RSL1D1: variants seen among roughly 807,000 people sequenced by gnomAD.
The protein encoded by RSL1D1 is ribosomal L1 domain-containing protein 1.
In RSL1D1, 34 loss-of-function variants were observed where a neutral mutation model predicts 44.6. The ratio of observed to expected loss-of-function variants is 0.76; its 90% confidence interval spans 0.58 to 1.02. The LOEUF (loss-of-function observed/expected upper bound fraction) is 1.02, where lower values mean the gene tolerates loss of function less well. RSL1D1 is among the 50% of genes least tolerant of loss of function. RSL1D1 has a pLI of 0.00. For synonymous variants in RSL1D1, 271 were observed against 207.4 expected (o/e 1.31, Z -2.63); for missense variants, 767 against 568.1 (o/e 1.35, Z -3.56).
chr16:11,834,247 C>T lies in RSL1D1; in HGVS notation c.*3540G>A, dbSNP rs989975573. The T allele has an allele frequency of 6.6e-6, 1 of 152,150 alleles. No individual in the cohort carries two copies. The highest frequency in any genetic ancestry group is 1.5e-5 in the Non-Finnish European group (1 of 68,030). The allele number at this position is 152,150 out of a possible 1,614,324, so 9.4% of individuals were successfully genotyped here. On this transcript the variant is annotated 3_prime_UTR_variant, in exon 9 of 9. Coordinates refer to ENST00000571133, the MANE Select transcript of RSL1D1 (RefSeq NM_015659.3). ...TTTCAACTTTTTGATGGTATAAAAG[C>T]GATACATAATCAGTACAAACCATAT...
chr16:11,838,170 A>T, intron 8 of RSL1D1, 57 bp from the exon 9 acceptor site: 2 of 1,300,626 alleles, frequency 1.5e-6, no homozygotes, highest in Middle Eastern at 4.5e-4. Context: ...TGACACTCTA[A>T]CTCCAGGAGT....
Position 11,846,692 on chromosome 16 carries a change from T to C in RSL1D1, c.533+3A>G. 1 of 1,613,722 alleles carries C rather than the reference T, an allele frequency of 6.2e-7. No homozygotes were observed. Among genetic ancestry groups the C allele is most frequent in the Non-Finnish European group, 8.5e-7 (1 of 1,179,816 alleles). ...AAAGTCCAGTCATTACTAAGAAACT[T>C]ACTTCTTTCTTTGATAGAAATGTCT... is the stretch of plus-strand genomic sequence containing the variant. On this transcript the variant is annotated splice_donor_region_variant and intron_variant, in intron 4 of 8. Transcript: ENST00000571133.
intron 8 of RSL1D1, 56 bp downstream of exon 8, chr16:11,839,639 C>T (rs2053749553): frequency 6.3e-7 from 1 of 1,594,150 alleles, no homozygotes; most frequent in Non-Finnish European, 8.5e-7. Flanking sequence ...CAGTACCTGC[C>T]TGACACAGTA....
At position 11,841,803 on chromosome 16, in the gene RSL1D1, T is replaced by A. The variant is rs748549088; in HGVS notation, c.747A>T (p.Lys249Asn). The change falls in exon 7 of 9, where the codon AAA (lysine) becomes AAT (asparagine). Residue 249 changes from lysine (K) to asparagine (N), a missense_variant. By Grantham distance (94) the Lys-to-Asn change is moderately conservative. Transcript: ENST00000571133. ...EKLPEKWESVKLLFVKTEKSA... is the reference protein window; with the variant it reads ...EKLPEKWESVNLLFVKTEKSA... The stretch of plus-strand genomic sequence containing the variant: ...ATTTCTCAGTTTTCACAAACAGGAG[T>A]TTCACGCTCTCCCACTTCTGAAACA... 6.2e-7 allele frequency: 1 copy of A among 1,613,454 alleles called. No homozygotes were observed. The highest frequency in any genetic ancestry group is 2.2e-5 in the East Asian group (1 of 44,864).
intron 8 of RSL1D1, among the ~76,000 whole-genome samples, chr16:11,839,418 T>G (rs957293151): frequency 2.1e-5 from 3 of 141,238 alleles, no homozygotes; most frequent in South Asian, 2.2e-4. Flanking sequence ...TGGGACTAGG[T>G]GTGGTGGCTC....
chr16:11,846,394 C>CAAA (rs374311615), intron 5 of RSL1D1, 107 bp downstream of exon 5: 295 of 537,200 alleles, frequency 5.5e-4, no homozygotes, highest in Middle Eastern at 1.5e-3. Flanking sequence ...GACTCCATCT[C>CAAA]AAAAAAAAAA....
rs768401196 is a variant in RSL1D1, at chr16:11,846,619, C to A, written c.534-17G>T. 2 of 1,602,430 alleles carry A rather than the reference C, an allele frequency of 1.2e-6. No individual in the cohort carries two copies. The highest frequency in any genetic ancestry group is 1.7e-6 in the Non-Finnish European group (2 of 1,170,134). On this transcript the variant is annotated splice_polypyrimidine_tract_variant and intron_variant, in intron 4 of 8. Transcript: ENST00000571133. ...ACTGGAACTCTACAAAATAAACACACAGGCATTCAGAACACAATGCATACA... is the reference window on the plus strand; with the variant it reads ...ACTGGAACTCTACAAAATAAACACAAAGGCATTCAGAACACAATGCATACA...
intron 1 of RSL1D1, among the ~76,000 whole-genome samples, chr16:11,850,716 G>C (rs1368428116): frequency 6.6e-6 from 1 of 152,144 alleles, no homozygotes; most frequent in Non-Finnish European, 1.5e-5. Context: ...TGCCCCTCCT[G>C]CCCTCAATGA....
intron 5 of RSL1D1, among the ~76,000 whole-genome samples, chr16:11,845,814 T>TA (rs1446254254): frequency 1.3e-5 from 2 of 151,944 alleles, no homozygotes; most frequent in Non-Finnish European, 1.5e-5. Flanking sequence ...CTTGACCTTC[T>TA]AGGCTCAAGT....
rs1021999725 is a variant in RSL1D1 at position 11,835,839 on chromosome 16, G to C, written c.*1948C>G. 2 of 152,232 alleles carry C rather than the reference G, an allele frequency of 1.3e-5. No homozygotes were observed. The highest frequency in any genetic ancestry group is 1.5e-5 in the Non-Finnish European group (1 of 68,074). 9.4% of individuals were successfully genotyped at this position (152,232 alleles called of 1,614,324 possible). ...GTAAAAGAGTCTTGGAATATGTCCA[G>C]GGTCAAGGGTCTAAAACCCCTTGTG... On this transcript the variant is annotated 3_prime_UTR_variant, in exon 9 of 9. Coordinates refer to ENST00000571133, the MANE Select transcript of RSL1D1 (RefSeq NM_015659.3).
chr16:11,844,024 G>A (rs2053782237), intron 5 of RSL1D1, among the ~76,000 whole-genome samples: 1 of 150,324 alleles, frequency 6.7e-6, no homozygotes, highest in Non-Finnish European at 1.5e-5. Context: ...GGGGCCAGAA[G>A]GAAGTGAGCC....
chr16:11,838,785 A>G (rs1036354923), intron 8 of RSL1D1, among the ~76,000 whole-genome samples: 3 of 147,060 alleles, frequency 2.0e-5, no homozygotes. Context: ...TGGGCACGAA[A>G]GGTGGAGGTT....
At chr16:11,845,254 T>C (rs1166560584) in intron 5 of RSL1D1, among the ~76,000 whole-genome samples, 1 of 152,038 alleles carries the variant, frequency 6.6e-6, no homozygotes, top group Non-Finnish European at 1.5e-5. Context: ...GGGGTTCAAG[T>C]CTAGATGGGG....
chr16:11,848,797 T>TA (rs2141255590), intron 2 of RSL1D1, among the ~76,000 whole-genome samples: 1 of 137,836 alleles, frequency 7.3e-6, no homozygotes, highest in African/African-American at 2.5e-5. Context: ...TCAGCCAACA[T>TA]AACTTTTTTT....
chr16:11,841,764 G>A lies in RSL1D1; in HGVS notation c.786C>T (p.Pro262=), dbSNP rs138158455. The A allele has an allele frequency of 4.3e-6, 7 of 1,613,902 alleles. No homozygotes were observed. The African/African-American group carries it at 8.0e-5, about 18-fold the overall frequency. The change falls in exon 7 of 9, where the codon CCC becomes CCT. Residue 262 remains proline (P), a synonymous_variant. Coordinates refer to ENST00000571133, the MANE Select transcript of RSL1D1 (RefSeq NM_015659.3). The part of the protein sequence containing the change: ...FVKTEKSAAL[P]IFSSFVSNWD... ...AATTGCTGACAAACGAGGAAAAGAT[G>A]GGAAGTGCAGCCGATTTCTCAGTTT...
Position 11,837,700 on chromosome 16 carries a change from GAAGGTTACA to G in RSL1D1, c.*78_*86del, listed in dbSNP as rs1288176598. 4.1e-6 allele frequency: 5 copies of G among 1,208,748 alleles called. No individual in the cohort carries two copies. The highest frequency in any genetic ancestry group is 3.1e-5 in the African/African-American group (2 of 65,324). 74.9% of individuals were successfully genotyped at this position (1,208,748 alleles called of 1,614,324 possible). The stretch of plus-strand genomic sequence containing the variant: ...TTTAAGTCCAGGCCTGACGTTTAGA[GAAGGTTACA>G]AAGGCGGCCAGGATCTGAGTATTTC... On this transcript the variant is annotated 3_prime_UTR_variant, in exon 9 of 9. Transcript: ENST00000571133.
At chr16:11,839,238 C>T (rs1411432614) in intron 8 of RSL1D1, among the ~76,000 whole-genome samples, 2 of 151,892 alleles carry the variant, frequency 1.3e-5, no homozygotes, top group Non-Finnish European at 2.9e-5. Flanking sequence ...TGGTAGTGCG[C>T]GCCTGTAATC....
In RSL1D1 at chr16:11,837,688, C is replaced by G; in HGVS notation, c.*99G>C. ...TTTAAAAAATCTTTTAAGTCCAGGC[C>G]TGACGTTTAGAGAAGGTTACAAAGG... On this transcript the variant is annotated 3_prime_UTR_variant, in exon 9 of 9. Coordinates refer to ENST00000571133, the MANE Select transcript of RSL1D1 (RefSeq NM_015659.3). The G allele has an allele frequency of 8.9e-7, 1 of 1,124,528 alleles. No homozygotes were observed. Among genetic ancestry groups the G allele is most frequent in the South Asian group, 1.5e-5 (1 of 65,762 alleles). The allele number at this position is 1,124,528 out of a possible 1,614,324, so 69.7% of individuals were successfully genotyped here. A position where few individuals can be genotyped will look rare whatever the true frequency, so the allele number is the denominator to read the frequency against.
At chr16:11,851,264 A>T (rs752967742) in intron 1 of RSL1D1, 144 bp downstream of exon 1, 10 of 763,234 alleles carry the variant, frequency 1.3e-5, no homozygotes, top group African/African-American at 3.4e-5. Context: ...TAAAGGGGAG[A>T]GACAGCTGAG....
Sources: gnomAD v4.1 joint callset for allele counts (sites outside exome capture counted in the v4.1 genomes callset) on GRCh38, gnomAD v4.1.1 for gene constraint, MANE v1.5 for transcripts, NCBI Gene and HGNC (gene_info 2026-07-23, HGNC 2026-07-21) for gene names.